The following CDCP1 variants were observed in gnomAD, a reference collection of about 807,000 sequenced individuals.
CDCP1 encodes the protein CUB domain-containing protein 1.
In CDCP1, 29 loss-of-function variants were observed where a neutral mutation model predicts 60.2. That is an observed-to-expected ratio of 0.48 (90% confidence interval 0.36 to 0.66). CDCP1 has a LOEUF of 0.66. Ranked by LOEUF, CDCP1 falls within the 30% of genes least tolerant of loss-of-function variation. The pLI, the probability that CDCP1 is intolerant of heterozygous loss-of-function variation, is 0.00. For missense variants in CDCP1, 876 were observed against 1,074.3 expected (o/e 0.82, Z 2.58); for synonymous variants, 387 against 431.1 (o/e 0.90, Z 1.27).
At chr3:45,110,360 G>A in intron 4 of CDCP1, 113 bp downstream of exon 4, 1 of 1,481,660 alleles carries the variant, frequency 6.7e-7, no homozygotes, top group Non-Finnish European at 9.0e-7. Flanking sequence ...CAGAGTCTAA[G>A]TGTTTCAGAA....
rs564159899 is a variant in CDCP1, at chr3:45,106,999, T to C, written c.1024+3474A>G. On this transcript the variant is annotated intron_variant, in intron 4 of 8. Coordinates refer to ENST00000296129, the MANE Select transcript of CDCP1 (RefSeq NM_022842.5). The stretch of plus-strand genomic sequence containing the variant: ...GAGCGGCACACACCATTGGCACAGA[T>C]GGGGCCTCCTGCACAGCCTGAGAAG... Among the ~76,000 whole-genome samples, 5 of 152,244 alleles carry C rather than the reference T, an allele frequency of 3.3e-5. No homozygotes were observed. The South Asian group carries it at 1.0e-3, about 32-fold the overall frequency.
In CDCP1 at chr3:45,112,236, C is replaced by G. The variant is rs754445889; in HGVS notation, c.502G>C (p.Asp168His). ...GVTHSISGRI[D>H]ATVVRIGTFC... is the part of the protein sequence containing the mutation. ...GTTCCGATCCTGACCACGGTGGCAT[C>G]GATTCGGCCGCTGATGGAGTGAGTG... The change falls in exon 3 of 9, where the codon GAT (aspartate) becomes CAT (histidine). Residue 168 changes from aspartate to histidine, a missense_variant. By Grantham distance (81) the Asp-to-His change is moderately conservative. Coordinates refer to ENST00000296129, the MANE Select transcript of CDCP1 (RefSeq NM_022842.5). The G allele has an allele frequency of 1.2e-6, 2 of 1,614,166 alleles. No homozygotes were observed. Among genetic ancestry groups the G allele is most frequent in the Admixed American group, 3.3e-5 (2 of 60,022 alleles).
chr3:45,124,908 G>A (rs866954064), intron 1 of CDCP1, among the ~76,000 whole-genome samples: 4 of 152,076 alleles, frequency 2.6e-5, no homozygotes, highest in African/African-American at 9.7e-5. Context: ...TGCAGGGAGC[G>A]AGTGTTGAAT....
At chr3:45,111,027 C>A (rs755355372) in intron 3 of CDCP1, among the ~76,000 whole-genome samples, 186 bp from the exon 4 acceptor site, 1 of 152,100 alleles carries the variant, frequency 6.6e-6, no homozygotes, top group South Asian at 2.1e-4. Context: ...CAGTGGTGTG[C>A]GAGTAAATAT....
chr3:45,123,477 C>G (rs1698921233), intron 1 of CDCP1, among the ~76,000 whole-genome samples: 2 of 152,138 alleles, frequency 1.3e-5, no homozygotes, highest in Non-Finnish European at 2.9e-5. Context: ...ATTATAGGCT[C>G]TTTTCTAGGG....
chr3:45,136,385 A>C (rs1559402290), intron 1 of CDCP1, among the ~76,000 whole-genome samples: 1 of 152,218 alleles, frequency 6.6e-6, no homozygotes, highest in African/African-American at 2.4e-5. Context: ...TTGCTAAGGA[A>C]GAAGGAGGAG....
At chr3:45,088,939 C>A in intron 8 of CDCP1, 115 bp downstream of exon 8, 1 of 858,152 alleles carries the variant, frequency 1.2e-6, no homozygotes, top group Non-Finnish European at 1.9e-6. Context: ...TAACATTGAT[C>A]TTTGGGGGAA....
rs934891269 is a variant in CDCP1, at chr3:45,082,802, T to C, written c.*2836A>G. The C allele has an allele frequency of 6.6e-6, 1 of 152,252 alleles. No individual in the cohort carries two copies. The highest frequency in any genetic ancestry group is 1.5e-5 in the Non-Finnish European group (1 of 68,064). The allele number at this position is 152,252 out of a possible 1,614,324, so 9.4% of individuals were successfully genotyped here. A position where few individuals can be genotyped will look rare whatever the true frequency, so the allele number is the denominator to read the frequency against. On this transcript the variant is annotated 3_prime_UTR_variant, in exon 9 of 9. Transcript: ENST00000296129. ...CACGTGGATGAGCAGTGGGCTGGCA[T>C]GCAGTAGGCTTCAACAAATGGCACT...
At chr3:45,125,572 T>C (rs1698963369) in intron 1 of CDCP1, among the ~76,000 whole-genome samples, 1 of 152,230 alleles carries the variant, frequency 6.6e-6, no homozygotes, top group Non-Finnish European at 1.5e-5. Flanking sequence ...GTTAGTATTG[T>C]TGATATTATC....
chr3:45,127,997 C>T (rs1046446073), intron 1 of CDCP1, among the ~76,000 whole-genome samples: 4 of 152,186 alleles, frequency 2.6e-5, no homozygotes, highest in Non-Finnish European at 4.4e-5. Context: ...GGCAGGTGCA[C>T]CTCCCAACTG....
chr3:45,091,194 T>C lies in CDCP1; in HGVS notation c.1972A>G (p.Thr658Ala). Residue 658 changes from threonine (T) to alanine (A), a missense_variant, in exon 7 of 9, where the codon ACA (threonine) becomes GCA (alanine). Thr to Ala is a moderately conservative substitution (Grantham distance 58). This residue lies in a region of CDCP1 where 726 missense variants were observed against 935.7 expected (regional missense o/e 0.78). Transcript: ENST00000296129. The surrounding 1 kb of genome is among the most constrained non-coding windows in gnomAD (Gnocchi z 4.8). ...TTACCCACAGTCCTTGGGGTAAGTGTCACCGAGAAGAGCAGGTCTAGCTGC... is the reference window on the plus strand; with the variant it reads ...TTACCCACAGTCCTTGGGGTAAGTGCCACCGAGAAGAGCAGGTCTAGCTGC... The part of the protein sequence containing the change: ...GKQLDLLFSV[T>A]LTPRTVDLTV... 6.2e-7 allele frequency: 1 copy of C among 1,613,354 alleles called. No homozygotes were observed. Among genetic ancestry groups the C allele is most frequent in the Non-Finnish European group, 8.5e-7 (1 of 1,179,822 alleles).
intron 1 of CDCP1, among the ~76,000 whole-genome samples, chr3:45,127,698 G>A (rs191532548): frequency 3.5e-4 from 53 of 152,258 alleles, no homozygotes; most frequent in African/African-American, 1.2e-3. Context: ...AGTCAAGTAG[G>A]ACCTGCCAGG....
intron 2 of CDCP1, among the ~76,000 whole-genome samples, chr3:45,113,636 T>C (rs1698735703): frequency 6.6e-6 from 1 of 152,202 alleles, no homozygotes; most frequent in Non-Finnish European, 1.5e-5. Flanking sequence ...CTCTAATTTT[T>C]GCAAAGCAGC....
chr3:45,118,258 CT>C (rs1260417690), intron 2 of CDCP1, among the ~76,000 whole-genome samples, 153 bp downstream of exon 2: 2 of 152,226 alleles, frequency 1.3e-5, no homozygotes, highest in African/African-American at 4.8e-5. Context: ...AGAACTCTAA[CT>C]GGCCACATCA....
Position 45,146,306 on chromosome 3 carries a change from C to A in CDCP1, c.-19G>T. On this transcript the variant is annotated 5_prime_UTR_variant, in exon 1 of 9. Transcript: ENST00000296129. ...CGGCCATGACTCCGGGACGCCTCGG[C>A]CTCGGTGGGGAAAACGACGGTGGGG... 1 of 1,552,058 alleles carries A rather than the reference C, an allele frequency of 6.4e-7. No homozygotes were observed. The highest frequency in any genetic ancestry group is 1.2e-5 in the South Asian group (1 of 83,690).
intron 8 of CDCP1, among the ~76,000 whole-genome samples, 180 bp downstream of exon 8, chr3:45,088,874 C>T (rs952411774): frequency 2.0e-5 from 3 of 151,206 alleles, no homozygotes; most frequent in Admixed American, 1.3e-4. Context: ...CCCTCACCCC[C>T]AGGCATGGGA....
At chr3:45,138,377 G>C (rs1699224998) in intron 1 of CDCP1, among the ~76,000 whole-genome samples, 1 of 152,120 alleles carries the variant, frequency 6.6e-6, no homozygotes, top group African/African-American at 2.4e-5. Context: ...TAATCTTACT[G>C]TCTCCCACTA....
chr3:45,119,499 C>T (rs1335391633), intron 1 of CDCP1, among the ~76,000 whole-genome samples: 2 of 152,268 alleles, frequency 1.3e-5, no homozygotes, highest in African/African-American at 2.4e-5. Context: ...ATGGGAAGAT[C>T]GTCTGTAGGT....
chr3:45,139,825 A>G (rs1436967536), intron 1 of CDCP1, among the ~76,000 whole-genome samples: 1 of 152,178 alleles, frequency 6.6e-6, no homozygotes, highest in Non-Finnish European at 1.5e-5. Context: ...GTACCTCTCC[A>G]CTGTGGCTGG....
Sources: allele counts gnomAD v4.1 joint callset (sites outside exome capture counted in the v4.1 genomes callset), GRCh38; gene constraint gnomAD v4.1.1; regional missense constraint gnomAD v4.1.1; non-coding constraint Gnocchi (gnomAD v3.1); transcripts MANE v1.5; gene names NCBI Gene and HGNC (gene_info 2026-07-23, HGNC 2026-07-21).